DNAJB12: variants seen among roughly 807,000 people sequenced by gnomAD.
The protein encoded by DNAJB12 is DnaJ heat shock protein family (Hsp40) member B12, also known as dnaJ homolog subfamily B member 12.
In DNAJB12, 14 loss-of-function variants were observed where a neutral mutation model predicts 40.6. The observed-to-expected ratio is 0.34, with a 90% CI of 0.23 to 0.54. DNAJB12 has a LOEUF of 0.54. DNAJB12 is among the 20% of genes least tolerant of loss of function. The pLI, the probability that DNAJB12 is intolerant of heterozygous loss-of-function variation, is 0.92. For synonymous variants in DNAJB12, 181 were observed against 199.5 expected (o/e 0.91, Z 0.78); for missense variants, 444 against 501.7 (o/e 0.89, Z 1.10).
intron 5 of DNAJB12, among the ~76,000 whole-genome samples, chr10:72,339,476 G>A (rs1039846899): frequency 6.6e-6 from 1 of 151,830 alleles, no homozygotes; most frequent in African/African-American, 2.4e-5. Flanking sequence ...AGAGGTTGCA[G>A]TGAGCCAAGA....
chr10:72,350,391 C>G (rs1861903768), intron 1 of DNAJB12, among the ~76,000 whole-genome samples: 1 of 128,096 alleles, frequency 7.8e-6, no homozygotes, highest in Non-Finnish European at 1.6e-5. Flanking sequence ...AGAGTGAGAC[C>G]CTGTCTCAAA....
intron 1 of DNAJB12, among the ~76,000 whole-genome samples, chr10:72,346,418 T>C (rs1437794479): frequency 1.3e-5 from 2 of 151,968 alleles, no homozygotes; most frequent in African/African-American, 4.8e-5. Context: ...CTCCGCCTCC[T>C]GGGTTCAAGC....
chr10:72,347,495 T>C (rs1469145746), intron 1 of DNAJB12, among the ~76,000 whole-genome samples: 1 of 152,258 alleles, frequency 6.6e-6, no homozygotes, highest in Non-Finnish European at 1.5e-5. Flanking sequence ...AAGTATCTGC[T>C]GTGCTCACAA....
At chr10:72,339,407 G>A (rs1182551863) in intron 5 of DNAJB12, among the ~76,000 whole-genome samples, 4 of 151,946 alleles carry the variant, frequency 2.6e-5, no homozygotes, top group Non-Finnish European at 5.9e-5. Flanking sequence ...GGTGGCGGGC[G>A]CCTGTACTCC....
intron 3 of DNAJB12, among the ~76,000 whole-genome samples, chr10:72,342,911 C>T (rs910722931): frequency 6.6e-6 from 1 of 152,164 alleles, no homozygotes; most frequent in African/African-American, 2.4e-5. Flanking sequence ...ATAGGTATGG[C>T]GGGGGAGCTG....
chr10:72,338,116 A>G (rs1589124103), intron 6 of DNAJB12, 86 bp downstream of exon 6: 7 of 1,148,646 alleles, frequency 6.1e-6, no homozygotes, highest in African/African-American at 1.5e-5. Flanking sequence ...CACTGGCTGG[A>G]TCAGGATGGG....
rs142851267 is a variant in DNAJB12, at chr10:72,354,877, T to A, written c.21A>T (p.Glu7Asp). MESNKD[E>D]AERCISIALK... ...GGGCGATGCTGATACAGCGCTCAGCTTCATCCTTGTTGGATTCCATGGCGG... is the reference window on the plus strand; with the variant it reads ...GGGCGATGCTGATACAGCGCTCAGCATCATCCTTGTTGGATTCCATGGCGG... The change falls in exon 1 of 9, where the codon GAA (glutamate) becomes GAT (aspartate). Residue 7 changes from glutamate (E) to aspartate (D), a missense_variant. Physicochemically the swap from Glu to Asp is conservative, Grantham distance 45. Transcript: ENST00000444643. 155 of 1,613,958 alleles carry A rather than the reference T, an allele frequency of 9.6e-5. No individual in the cohort carries two copies. Among genetic ancestry groups the A allele is most frequent in the Non-Finnish European group, 1.2e-4 (143 of 1,179,946 alleles).
chr10:72,346,468 G>A lies in DNAJB12; in HGVS notation c.134-1341C>T, dbSNP rs191449332. On this transcript the variant is annotated intron_variant, in intron 1 of 8. Coordinates refer to ENST00000444643, the MANE Select transcript of DNAJB12 (RefSeq NM_017626.7). ...AGCCTCCCTAGTAGCTGGGATTACAGGCGCCCAGCACCATGCCCAGCTAAT... is the reference window on the plus strand; with the variant it reads ...AGCCTCCCTAGTAGCTGGGATTACAAGCGCCCAGCACCATGCCCAGCTAAT... Among the ~76,000 whole-genome samples the A allele has an allele frequency of 2.4e-3, 371 of 152,314 alleles. 2 individuals are homozygous for A. Among genetic ancestry groups the A allele is most frequent in the African/African-American group, 8.3e-3 (345 of 41,562 alleles).
chr10:72,340,835 C>T lies in DNAJB12; in HGVS notation c.677G>A (p.Arg226His), dbSNP rs764338000. 21 of 1,614,148 alleles carry T rather than the reference C, an allele frequency of 1.3e-5. No individual in the cohort carries two copies. The highest frequency in any genetic ancestry group is 2.2e-5 in the East Asian group (1 of 44,884). Residue 226 changes from arginine to histidine, a missense_variant, in exon 5 of 9, where the codon CGC (arginine) becomes CAC (histidine). By Grantham distance (29) the Arg-to-His change is conservative (BLOSUM62 0). Coordinates refer to ENST00000444643, the MANE Select transcript of DNAJB12 (RefSeq NM_017626.7). ...NVHVYSNGRM[R>H]YTYQQRQDRR... The stretch of plus-strand genomic sequence containing the variant: ...GTCCTGCCTTTGCTGGTAGGTATAG[C>T]GCATGCGGCCGTTGCTGTAGACGTG...
chr10:72,334,381 G>C lies in DNAJB12; in HGVS notation c.*267C>G, dbSNP rs1039710011. On this transcript the variant is annotated 3_prime_UTR_variant, in exon 9 of 9. Transcript: ENST00000444643. Reference sequence around the variant, plus strand: ...CGTTGCCATGGTTTCTGTATCCTAGGAGAGAGGCGATGCGGAGCCTCCGCC... The same window carrying C: ...CGTTGCCATGGTTTCTGTATCCTAGCAGAGAGGCGATGCGGAGCCTCCGCC... 14 of 632,008 alleles carry C rather than the reference G, an allele frequency of 2.2e-5. No homozygotes were observed. The highest frequency in any genetic ancestry group is 3.8e-5 in the Non-Finnish European group (14 of 364,784). 39.2% of individuals were successfully genotyped at this position (632,008 alleles called of 1,614,324 possible).
intron 1 of DNAJB12, among the ~76,000 whole-genome samples, chr10:72,348,963 G>A (rs1174580449): frequency 6.6e-6 from 1 of 152,252 alleles, no homozygotes; most frequent in Non-Finnish European, 1.5e-5. Flanking sequence ...TTAGGAGGCA[G>A]AGGGGCCTTC....
At chr10:72,343,734 A>G (rs1370727435) in intron 2 of DNAJB12, among the ~76,000 whole-genome samples, 1 of 151,700 alleles carries the variant, frequency 6.6e-6, no homozygotes, top group Non-Finnish European at 1.5e-5. Flanking sequence ...ACAGAAGAAC[A>G]CCGTCTGGAT....
chr10:72,346,139 G>A (rs1443650009), intron 1 of DNAJB12, among the ~76,000 whole-genome samples: 2 of 151,964 alleles, frequency 1.3e-5, no homozygotes, highest in African/African-American at 2.4e-5. Context: ...AAACCCTATA[G>A]TACTTTATTT....
rs770807522 is a variant in DNAJB12, at chr10:72,333,128, T to A, written c.*1520A>T. On this transcript the variant is annotated 3_prime_UTR_variant, in exon 9 of 9. Transcript: ENST00000444643. Reference sequence around the variant, plus strand: ...TGACATTTCCTTACCGAACTTCCTTTCCCAGCAAGAATCCTATTTGTTGGG... The same window carrying A: ...TGACATTTCCTTACCGAACTTCCTTACCCAGCAAGAATCCTATTTGTTGGG... 6.6e-6 allele frequency: 1 copy of A among 152,188 alleles called. No homozygotes were observed. The highest frequency in any genetic ancestry group is 1.5e-5 in the Non-Finnish European group (1 of 68,030). 9.4% of individuals were successfully genotyped at this position (152,188 alleles called of 1,614,324 possible).
In DNAJB12 at chr10:72,345,079, G is replaced by C. The variant is rs775698034; in HGVS notation, c.182C>G (p.Pro61Arg). Residue 61 changes from proline to arginine, a missense_variant, in exon 2 of 9, where the codon CCC becomes CGC. Pro to Arg is a moderately radical substitution (Grantham distance 103, BLOSUM62 -2). Coordinates refer to ENST00000444643, the MANE Select transcript of DNAJB12 (RefSeq NM_017626.7). Reference sequence around the variant, plus strand: ...GGCATGGGTTGTGTCTGTGGGTGGGGGTTGGTCACCGGCAGTCTGTGGTTT... The same window carrying C: ...GGCATGGGTTGTGTCTGTGGGTGGGCGTTGGTCACCGGCAGTCTGTGGTTT... ...NQKPQTAGDQ[P>R]PPTDTTHATH... The C allele has an allele frequency of 6.2e-7, 1 of 1,614,102 alleles. No individual in the cohort carries two copies.
chr10:72,350,528 C>T (rs950778022), intron 1 of DNAJB12, among the ~76,000 whole-genome samples: 1 of 150,916 alleles, frequency 6.6e-6, no homozygotes, highest in African/African-American at 2.4e-5. Flanking sequence ...CTCCATCATA[C>T]AGGCTAAAAG....
chr10:72,354,565 C>T (rs1445244975), intron 1 of DNAJB12, among the ~76,000 whole-genome samples, 200 bp downstream of exon 1: 2 of 152,198 alleles, frequency 1.3e-5, no homozygotes, highest in African/African-American at 4.8e-5. Flanking sequence ...TCCCGGCCGC[C>T]CGAGTCTCCA....
At chr10:72,343,614 G>A (rs1861704191) in intron 2 of DNAJB12, 103 bp from the exon 3 acceptor site, 2 of 1,247,798 alleles carry the variant, frequency 1.6e-6, no homozygotes, top group Middle Eastern at 2.2e-4. Context: ...CAGGCTGCGG[G>A]GGACCAACAG....
At position 72,334,670 on chromosome 10, in the gene DNAJB12, T is replaced by C. The variant is rs1861416884; in HGVS notation, c.*31-53A>G. 3 of 1,512,886 alleles carry C rather than the reference T, an allele frequency of 2.0e-6. No homozygotes were observed. In the African/African-American group the frequency reaches 4.2e-5, roughly 21 times the overall value. The allele number at this position is 1,512,886 out of a possible 1,614,324, so 93.7% of individuals were successfully genotyped here. A position where few individuals can be genotyped will look rare whatever the true frequency, so the allele number is the denominator to read the frequency against. On this transcript the variant is annotated intron_variant, in intron 8 of 8. Transcript: ENST00000444643. ...TCGGCATTCAGGCGGCACCGGCTCC[T>C]CTAGCTTATGCCACACAAGTAGCCC...
Sources: gnomAD v4.1 joint callset for allele counts (sites outside exome capture counted in the v4.1 genomes callset) on GRCh38, gnomAD v4.1.1 for gene constraint, MANE v1.5 for transcripts, NCBI Gene and HGNC (gene_info 2026-07-23, HGNC 2026-07-21) for gene names.